The following PCDHB10 variants were observed in gnomAD, a reference collection of about 807,000 sequenced individuals.
PCDHB10 encodes the protein protocadherin beta-10.
For missense variants in PCDHB10, 1,046 were observed against 1,004.7 expected (o/e 1.04, Z -0.56); for synonymous variants, 448 against 449.2 (o/e 1.00, Z 0.04).
Position 141,194,044 on chromosome 5 carries a change from C to G in PCDHB10, c.1492C>G (p.Leu498Val). 1.2e-6 allele frequency: 2 copies of G among 1,608,430 alleles called. No individual in the cohort carries two copies. The highest frequency in any genetic ancestry group is 1.7e-6 in the Non-Finnish European group (2 of 1,177,932). The change falls in exon 1 of 1, where the codon CTG (leucine) becomes GTG (valine). Residue 498 changes from leucine (L) to valine (V), a missense_variant. Transcript: ENST00000239446. ...YSLLPPQDPHLPLASLVSINA... is the reference protein window; with the variant it reads ...YSLLPPQDPHVPLASLVSINA... ...GCTGCTGCCGCCCCAAGACCCGCAC[C>G]TGCCCCTCGCCTCCCTGGTCTCCAT... is the stretch of plus-strand genomic sequence containing the variant.
At position 141,193,591 on chromosome 5, in the gene PCDHB10, C is replaced by A. The variant is rs1288370484; in HGVS notation, c.1039C>A (p.Leu347Met). 6.2e-7 allele frequency: 1 copy of A among 1,614,010 alleles called. No individual in the cohort carries two copies. Among genetic ancestry groups the A allele is most frequent in the Admixed American group, 1.7e-5 (1 of 59,998 alleles). ...GGACACCAATGACAATCCCCCTGAA[C>A]TGATCGTATCATCATTTTCCAACTC... ...VLDTNDNPPE[L>M]IVSSFSNSVA... The change falls in exon 1 of 1, where the codon CTG becomes ATG. Residue 347 changes from leucine (L) to methionine (M), a missense_variant. Coordinates refer to ENST00000239446, the MANE Select transcript of PCDHB10 (RefSeq NM_018930.4).
Position 141,193,670 on chromosome 5 carries a change from G to T in PCDHB10, c.1118G>T (p.Arg373Ile). ...TPLAVFKIND[R>I]DSGENGKMVC... is the part of the protein sequence containing the mutation. ...CTGGCTGTTTTTAAGATTAATGACA[G>T]AGACTCTGGAGAAAATGGAAAGATG... Residue 373 changes from arginine (R) to isoleucine (I), a missense_variant, in exon 1 of 1, where the codon AGA (arginine) becomes ATA (isoleucine). By Grantham distance (97) the Arg-to-Ile change is moderately conservative. Transcript: ENST00000239446. The T allele has an allele frequency of 6.2e-7, 1 of 1,614,116 alleles. No homozygotes were observed. Among genetic ancestry groups the T allele is most frequent in the Non-Finnish European group, 8.5e-7 (1 of 1,180,040 alleles).
In PCDHB10 at chr5:141,193,847, A is replaced by C. The variant is rs1554284182; in HGVS notation, c.1295A>C (p.Lys432Thr). 1 of 1,614,148 alleles carries C rather than the reference A, an allele frequency of 6.2e-7. No individual in the cohort carries two copies. The highest frequency in any genetic ancestry group is 1.7e-5 in the Admixed American group (1 of 60,028). ...ACTGACTTGGGGACACCCAGGCTGA[A>C]AACCGAGCACAACATAACGGTCCTG... The part of the protein sequence containing the change: ...TVTDLGTPRL[K>T]TEHNITVLVS... The change falls in exon 1 of 1, where the codon AAA (lysine) becomes ACA (threonine). Residue 432 changes from lysine (K) to threonine (T), a missense_variant. Coordinates refer to ENST00000239446, the MANE Select transcript of PCDHB10 (RefSeq NM_018930.4).
rs1563953332 is a variant in PCDHB10, at chr5:141,193,263, C to T, written c.711C>T (p.Asp237=). Residue 237 remains aspartate (D), a synonymous_variant, in exon 1 of 1, where the codon GAC becomes GAT. Transcript: ENST00000239446. ...TVRIVVLDVN[D]NAPQFAQALY... ...GCATCGTTGTCTTGGACGTCAATGA[C>T]AATGCCCCACAGTTTGCCCAGGCTC... 6.2e-7 allele frequency: 1 copy of T among 1,614,124 alleles called. No homozygotes were observed. Among genetic ancestry groups the T allele is most frequent in the African/African-American group, 1.3e-5 (1 of 75,002 alleles).
Position 141,194,989 on chromosome 5 carries a change from T to C in PCDHB10, c.*34T>C. On this transcript the variant is annotated 3_prime_UTR_variant, in exon 1 of 1. Coordinates refer to ENST00000239446, the MANE Select transcript of PCDHB10 (RefSeq NM_018930.4). ...TTTAGTTTCATATACTTTTGGTGTG[T>C]TACATAGCCATGTTTCTATTAGTTT... 6.5e-7 allele frequency: 1 copy of C among 1,537,152 alleles called. No homozygotes were observed. The highest frequency in any genetic ancestry group is 8.8e-7 in the Non-Finnish European group (1 of 1,141,862).
rs782015046 is a variant in PCDHB10 at position 141,193,292 on chromosome 5, A to C, written c.740A>C (p.Tyr247Ser). 5 of 1,614,078 alleles carry C rather than the reference A, an allele frequency of 3.1e-6. No homozygotes were observed. The South Asian group carries it at 5.5e-5, about 18-fold the overall frequency. Residue 247 changes from tyrosine (Y) to serine (S), a missense_variant, in exon 1 of 1, where the codon TAT becomes TCT. Tyr to Ser is a moderately radical substitution (Grantham distance 144). Transcript: ENST00000239446. ...DNAPQFAQAL[Y>S]ETQAPENSPI... ...GCCCCACAGTTTGCCCAGGCTCTGT[A>C]TGAGACCCAGGCTCCAGAAAACAGC...
At position 141,193,295 on chromosome 5, in the gene PCDHB10, A is replaced by T; in HGVS notation, c.743A>T (p.Glu248Val). 1.9e-6 allele frequency: 3 copies of T among 1,614,140 alleles called. No homozygotes were observed. The South Asian group carries it at 3.3e-5, about 18-fold the overall frequency. The change falls in exon 1 of 1, where the codon GAG becomes GTG. Residue 248 changes from glutamate to valine, a missense_variant. Coordinates refer to ENST00000239446, the MANE Select transcript of PCDHB10 (RefSeq NM_018930.4). ...NAPQFAQALYETQAPENSPIG... is the reference protein window; with the variant it reads ...NAPQFAQALYVTQAPENSPIG... ...CCACAGTTTGCCCAGGCTCTGTATG[A>T]GACCCAGGCTCCAGAAAACAGCCCC...
rs1554284571 is a variant in PCDHB10 at position 141,194,937 on chromosome 5, T to G, written c.2385T>G (p.Phe795Leu). The change falls in exon 1 of 1, where the codon TTT becomes TTG. Residue 795 changes from phenylalanine (F) to leucine (L), a missense_variant. Phe to Leu is a conservative substitution (Grantham distance 22). Coordinates refer to ENST00000239446, the MANE Select transcript of PCDHB10 (RefSeq NM_018930.4). ...GEENSTFRNS[F>L]GFNIQ ...AAAATTCCACCTTCCGAAATAGCTT[T>G]GGATTTAATATTCAGTAAAGTCTGT... is the stretch of plus-strand genomic sequence containing the variant. The G allele has an allele frequency of 6.2e-7, 1 of 1,608,936 alleles. No homozygotes were observed. Among genetic ancestry groups the G allele is most frequent in the Non-Finnish European group, 8.5e-7 (1 of 1,176,728 alleles).
chr5:141,195,130 A>T lies in PCDHB10; in HGVS notation c.*175A>T, dbSNP rs1754026916. ...TTTTGCATTAATAACAACTGGGTTT[A>T]ATTTAATGAGTATTTTTTTCTAAAT... On this transcript the variant is annotated 3_prime_UTR_variant, in exon 1 of 1. Transcript: ENST00000239446. 3.3e-6 allele frequency: 2 copies of T among 602,492 alleles called. No homozygotes were observed. Among genetic ancestry groups the T allele is most frequent in the Non-Finnish European group, 5.5e-6 (2 of 366,408 alleles). The allele number at this position is 602,492 out of a possible 1,614,324, so 37.3% of individuals were successfully genotyped here. A position where few individuals can be genotyped will look rare whatever the true frequency, so the allele number is the denominator to read the frequency against.
At position 141,194,249 on chromosome 5, in the gene PCDHB10, A is replaced by T. The variant is rs569673377; in HGVS notation, c.1697A>T (p.Gln566Leu). ...TCGCCCTTCGTGCTGTACCCGCTGCAGAACGGCTCCGCGCCCTGCACCGAG... is the reference window on the plus strand; with the variant it reads ...TCGCCCTTCGTGCTGTACCCGCTGCTGAACGGCTCCGCGCCCTGCACCGAG... ...DNSPFVLYPLQNGSAPCTELV... is the reference protein window; with the variant it reads ...DNSPFVLYPLLNGSAPCTELV... Residue 566 changes from glutamine (Q) to leucine (L), a missense_variant, in exon 1 of 1, where the codon CAG (glutamine) becomes CTG (leucine). By Grantham distance (113) the Gln-to-Leu change is moderately radical (BLOSUM62 -2). Transcript: ENST00000239446. The T allele has an allele frequency of 6.2e-7, 1 of 1,605,646 alleles. No homozygotes were observed. Among genetic ancestry groups the T allele is most frequent in the African/African-American group, 1.3e-5 (1 of 74,726 alleles).
chr5:141,194,939 G>T lies in PCDHB10; in HGVS notation c.2387G>T (p.Gly796Val), dbSNP rs782211291. Reference sequence around the variant, plus strand: ...AATTCCACCTTCCGAAATAGCTTTGGATTTAATATTCAGTAAAGTCTGTTT... The same window carrying T: ...AATTCCACCTTCCGAAATAGCTTTGTATTTAATATTCAGTAAAGTCTGTTT... Reference protein sequence around the residue: ...EENSTFRNSFGFNIQ With the variant: ...EENSTFRNSFVFNIQ The change falls in exon 1 of 1, where the codon GGA (glycine) becomes GTA (valine). Residue 796 changes from glycine to valine, a missense_variant. Gly to Val is a moderately radical substitution (Grantham distance 109). Coordinates refer to ENST00000239446, the MANE Select transcript of PCDHB10 (RefSeq NM_018930.4). The T allele has an allele frequency of 5.0e-6, 8 of 1,606,118 alleles. No homozygotes were observed. The highest frequency in any genetic ancestry group is 6.8e-6 in the Non-Finnish European group (8 of 1,175,056).
In PCDHB10 at chr5:141,194,177, G is replaced by A. The variant is rs781915612; in HGVS notation, c.1625G>A (p.Ser542Asn). The A allele has an allele frequency of 1.0e-5, 16 of 1,604,096 alleles. No individual in the cohort carries two copies. The highest frequency in any genetic ancestry group is 1.4e-5 in the Non-Finnish European group (16 of 1,178,018). ...ACAGACCGCGGCTCCCCCGCGCTGAGCAGAGAGGCGCTGGTGCGCGTGCTG... is the reference window on the plus strand; with the variant it reads ...ACAGACCGCGGCTCCCCCGCGCTGAACAGAGAGGCGCTGGTGCGCGTGCTG... ...GATDRGSPALSREALVRVLVL... is the reference protein window; with the variant it reads ...GATDRGSPALNREALVRVLVL... The change falls in exon 1 of 1, where the codon AGC (serine) becomes AAC (asparagine). Residue 542 changes from serine (S) to asparagine (N), a missense_variant. Ser to Asn is a conservative substitution (Grantham distance 46). Transcript: ENST00000239446.
rs1753959775 is a variant in PCDHB10 at position 141,193,511 on chromosome 5, A to T, written c.959A>T (p.Gln320Leu). The T allele has an allele frequency of 3.1e-6, 5 of 1,614,196 alleles. No individual in the cohort carries two copies. The South Asian group carries it at 4.4e-5, about 14-fold the overall frequency. The stretch of plus-strand genomic sequence containing the variant: ...GTAAATTCTTACAAAATAAATATAC[A>T]GGCAATGGACGGTGGAGGCCTTTCT... ...ELVNSYKINI[Q>L]AMDGGGLSAR... Residue 320 changes from glutamine to leucine, a missense_variant, in exon 1 of 1, where the codon CAG becomes CTG. Gln to Leu is a moderately radical substitution (Grantham distance 113). Transcript: ENST00000239446.
chr5:141,193,576 G>A lies in PCDHB10; in HGVS notation c.1024G>A (p.Asp342Asn), dbSNP rs2149669244. 1.2e-6 allele frequency: 2 copies of A among 1,614,002 alleles called. No homozygotes were observed. The highest frequency in any genetic ancestry group is 4.5e-5 in the East Asian group (2 of 44,886). Reference sequence around the variant, plus strand: ...TTTAGTGGAAGTATTGGACACCAATGACAATCCCCCTGAACTGATCGTATC... The same window carrying A: ...TTTAGTGGAAGTATTGGACACCAATAACAATCCCCCTGAACTGATCGTATC... ...RVLVEVLDTN[D>N]NPPELIVSSF... Residue 342 changes from aspartate to asparagine, a missense_variant, in exon 1 of 1, where the codon GAC becomes AAC. Physicochemically the swap from Asp to Asn is conservative, Grantham distance 23. Transcript: ENST00000239446.
chr5:141,194,041 C>T lies in PCDHB10; in HGVS notation c.1489C>T (p.His497Tyr). 1 of 1,608,512 alleles carries T rather than the reference C, an allele frequency of 6.2e-7. No homozygotes were observed. The highest frequency in any genetic ancestry group is 8.5e-7 in the Non-Finnish European group (1 of 1,177,994). Residue 497 changes from histidine (H) to tyrosine (Y), a missense_variant, in exon 1 of 1, where the codon CAC becomes TAC. By Grantham distance (83) the His-to-Tyr change is moderately conservative. Coordinates refer to ENST00000239446, the MANE Select transcript of PCDHB10 (RefSeq NM_018930.4). ...TYSLLPPQDP[H>Y]LPLASLVSIN... ...CTCGCTGCTGCCGCCCCAAGACCCG[C>T]ACCTGCCCCTCGCCTCCCTGGTCTC...
Position 141,195,407 on chromosome 5 carries a change from C to G in PCDHB10, c.*452C>G, listed in dbSNP as rs1385223676. The stretch of plus-strand genomic sequence containing the variant: ...ATCATGTATTTAAAAAGAAATATTT[C>G]TCTACTACTATGCTCATGACAAAAT... On this transcript the variant is annotated 3_prime_UTR_variant, in exon 1 of 1. Coordinates refer to ENST00000239446, the MANE Select transcript of PCDHB10 (RefSeq NM_018930.4). 5.9e-6 allele frequency: 1 copy of G among 168,314 alleles called. No homozygotes were observed. The highest frequency in any genetic ancestry group is 2.4e-5 in the African/African-American group (1 of 41,464). The allele number at this position is 168,314 out of a possible 1,614,324, so 10.4% of individuals were successfully genotyped here. A position where few individuals can be genotyped will look rare whatever the true frequency, so the allele number is the denominator to read the frequency against.
rs1753965365 is a variant in PCDHB10 at position 141,193,667 on chromosome 5, A to ACTC, written c.1116_1117insTCC (p.Asp372_Arg373insSer). On this transcript the variant is annotated inframe_insertion, in exon 1 of 1. Coordinates refer to ENST00000239446, the MANE Select transcript of PCDHB10 (RefSeq NM_018930.4). ...CCGCTGGCTGTTTTTAAGATTAATGACAGAGACTCTGGAGAAAATGGAAAG... is the reference window on the plus strand; with the variant it reads ...CCGCTGGCTGTTTTTAAGATTAATGACTCCAGAGACTCTGGAGAAAATGGAAAG... 6.2e-7 allele frequency: 1 copy of ACTC among 1,613,984 alleles called. No individual in the cohort carries two copies. Among genetic ancestry groups the ACTC allele is most frequent in the African/African-American group, 1.3e-5 (1 of 74,898 alleles).
In PCDHB10 at chr5:141,194,828, G is replaced by A. The variant is rs528221355; in HGVS notation, c.2276G>A (p.Gly759Glu). 1.9e-6 allele frequency: 3 copies of A among 1,614,178 alleles called. No homozygotes were observed. Among genetic ancestry groups the A allele is most frequent in the Non-Finnish European group, 2.5e-6 (3 of 1,180,028 alleles). ...TACCAGTATGAGGTGTGTCTGACGGGAGGCCCCGGGACCAGTGAGTTCAAG... is the reference window on the plus strand; with the variant it reads ...TACCAGTATGAGGTGTGTCTGACGGAAGGCCCCGGGACCAGTGAGTTCAAG... ...QSYQYEVCLT[G>E]GPGTSEFKFL... Residue 759 changes from glycine to glutamate, a missense_variant, in exon 1 of 1, where the codon GGA (glycine) becomes GAA (glutamate). Gly to Glu is a moderately conservative substitution (Grantham distance 98, BLOSUM62 -2). Transcript: ENST00000239446.
Position 141,192,441 on chromosome 5 carries a change from G to C in PCDHB10, c.-112G>C. 1 of 1,376,240 alleles carries C rather than the reference G, an allele frequency of 7.3e-7. No homozygotes were observed. Among genetic ancestry groups the C allele is most frequent in the Non-Finnish European group, 9.9e-7 (1 of 1,008,042 alleles). 85.3% of individuals were successfully genotyped at this position (1,376,240 alleles called of 1,614,324 possible). On this transcript the variant is annotated 5_prime_UTR_variant, in exon 1 of 1. Coordinates refer to ENST00000239446, the MANE Select transcript of PCDHB10 (RefSeq NM_018930.4). ...GCTGCCAAAGATTGGGAAAGGGAAA[G>C]GACAAAAAAGACCCCTGGGCTACAC...
Sources: gnomAD v4.1 joint callset for allele counts on GRCh38, gnomAD v4.1.1 for gene constraint, MANE v1.5 for transcripts, NCBI Gene and HGNC (gene_info 2026-07-23, HGNC 2026-07-21) for gene names.